Variants in PTPDC1 observed in about 807,000 individuals in gnomAD.
PTPDC1 encodes the protein protein tyrosine phosphatase domain-containing protein 1.
Under a neutral mutation model 75.3 loss-of-function variants are expected in PTPDC1, and 53 were observed. That is an observed-to-expected ratio of 0.70 (90% CI 0.56 to 0.88). PTPDC1 has a LOEUF of 0.88. Among genes scored for constraint, PTPDC1 ranks in the 40% least tolerant of loss-of-function variants. The pLI is 0.00. For missense variants in PTPDC1, 925 were observed against 998.6 expected (o/e 0.93, Z 0.99); for synonymous variants, 349 against 366.2 (o/e 0.95, Z 0.54).
chr9:94,098,409 G>C lies in PTPDC1; in HGVS notation c.1843G>C (p.Val615Leu). ...CGSSPKAQFL[V>L]EHETQDSKDL... ...CTCCAGTCCCAAAGCACAGTTCTTG[G>C]TTGAACATGAAACCCAGGACAGTAA... Residue 615 changes from valine to leucine, a missense_variant, in exon 6 of 9, where the codon GTT becomes CTT. Transcript: ENST00000620992. 6.2e-7 allele frequency: 1 copy of C among 1,614,166 alleles called. No individual in the cohort carries two copies.
In PTPDC1 at chr9:94,101,750, A is replaced by G. The variant is rs546449405; in HGVS notation, c.2198A>G (p.Lys733Arg). 3.0e-5 allele frequency: 48 copies of G among 1,604,984 alleles called. No homozygotes were observed. In the South Asian group the frequency reaches 4.8e-4, roughly 16 times the overall value. Residue 733 changes from lysine (K) to arginine (R), a missense_variant and splice_region_variant, in exon 7 of 9, where the codon AAG becomes AGG. By Grantham distance (26) the Lys-to-Arg change is conservative. Transcript: ENST00000620992. Reference sequence around the variant, plus strand: ...GCAGAAGCACTTTTTTTATTAGAGAAGGTAAAGTGGCTGTAGGACCAGTTA... The same window carrying G: ...GCAGAAGCACTTTTTTTATTAGAGAGGGTAAAGTGGCTGTAGGACCAGTTA... ...DAAEALFLLEKGQHQTILCVL... is the reference protein window; with the variant it reads ...DAAEALFLLERGQHQTILCVL...
chr9:94,092,790 T>G (rs1827377584), intron 4 of PTPDC1, among the ~76,000 whole-genome samples: 1 of 150,374 alleles, frequency 6.7e-6, no homozygotes, highest in Non-Finnish European at 1.5e-5. Context: ...CATATATATT[T>G]AGGATAGTTA....
intron 2 of PTPDC1, among the ~76,000 whole-genome samples, chr9:94,086,299 TAGTC>T (rs1178212204): frequency 1.3e-5 from 2 of 152,354 alleles, no homozygotes; most frequent in Non-Finnish European, 2.9e-5. Flanking sequence ...GAAACATTCA[TAGTC>T]AGACAAGAAA....
intron 1 of PTPDC1, among the ~76,000 whole-genome samples, chr9:94,040,755 A>C (rs1167426314): frequency 6.6e-6 from 1 of 152,142 alleles, no homozygotes; most frequent in Non-Finnish European, 1.5e-5. Context: ...TTACCATTAA[A>C]AAGTTGATTT....
chr9:94,100,597 G>C (rs1312755183), intron 6 of PTPDC1: 1 of 152,188 alleles, frequency 6.6e-6, no homozygotes, highest in African/African-American at 2.4e-5. Flanking sequence ...TCCTAGGTGA[G>C]TTATTTCATC....
At chr9:94,056,174 G>T (rs1233954674) in intron 1 of PTPDC1, among the ~76,000 whole-genome samples, 3 of 152,162 alleles carry the variant, frequency 2.0e-5, no homozygotes, top group Non-Finnish European at 2.9e-5. Context: ...AGGATTAGAT[G>T]AGCTAAGATT....
chr9:94,049,245 A>C (rs1035424650), intron 1 of PTPDC1, among the ~76,000 whole-genome samples: 5 of 151,530 alleles, frequency 3.3e-5, no homozygotes, highest in African/African-American at 1.2e-4. Context: ...GATCCTGTCA[A>C]ATTCACTAAC....
chr9:94,095,707 C>T (rs939602770), intron 5 of PTPDC1, among the ~76,000 whole-genome samples: 1 of 151,996 alleles, frequency 6.6e-6, no homozygotes, highest in East Asian at 1.9e-4. Flanking sequence ...GAAGATTATG[C>T]GTATACTAAA....
chr9:94,078,565 A>G (rs976238701), intron 2 of PTPDC1, among the ~76,000 whole-genome samples: 1 of 151,360 alleles, frequency 6.6e-6, no homozygotes, highest in South Asian at 2.1e-4. Flanking sequence ...AGTTTTTTCT[A>G]CTCCTCTCTC....
chr9:94,039,801 A>G (rs1825378040), intron 1 of PTPDC1, among the ~76,000 whole-genome samples: 1 of 152,136 alleles, frequency 6.6e-6, no homozygotes, highest in Non-Finnish European at 1.5e-5. Flanking sequence ...TTACAATCCC[A>G]CCACTGTGAA....
intron 8 of PTPDC1, among the ~76,000 whole-genome samples, chr9:94,107,013 G>A (rs1482806472): frequency 1.3e-5 from 2 of 152,172 alleles, no homozygotes; most frequent in African/African-American, 4.8e-5. Context: ...GAGTGCAGTG[G>A]CACAATCTCA....
chr9:94,055,119 T>C (rs1825894488), intron 1 of PTPDC1, among the ~76,000 whole-genome samples: 2 of 152,364 alleles, frequency 1.3e-5, no homozygotes, highest in South Asian at 4.1e-4. Flanking sequence ...TAAATTTTAT[T>C]ATTTAATAGG....
Position 94,095,474 on chromosome 9 carries a change from T to G in PTPDC1, c.754+20T>G. On this transcript the variant is annotated intron_variant, in intron 5 of 8. Coordinates refer to ENST00000620992, the MANE Select transcript of PTPDC1 (RefSeq NM_001253829.2). ...GAACAGGTAGGTCCTAAGAGGTGGT[T>G]TATTGCCTGTAGGCATATTTAAACA... 6.3e-7 allele frequency: 1 copy of G among 1,584,916 alleles called. No individual in the cohort carries two copies. Among genetic ancestry groups the G allele is most frequent in the South Asian group, 1.1e-5 (1 of 87,040 alleles).
chr9:94,036,399 A>AT (rs1426593281), intron 1 of PTPDC1, among the ~76,000 whole-genome samples: 2 of 150,676 alleles, frequency 1.3e-5, no homozygotes, highest in Non-Finnish European at 3.0e-5. Flanking sequence ...TGTTTCTTTT[A>AT]TTTTTTTTCA....
exon 1 of PTPDC1, chr9:94,030,955 C>G (rs938990585): frequency 6.6e-6 from 1 of 152,138 alleles, no homozygotes; most frequent in African/African-American, 2.4e-5. Context: ...GGTGCCGCGC[C>G]GTGAGGGTGC....
intron 6 of PTPDC1, chr9:94,101,338 A>G (rs960986391): frequency 2.0e-5 from 8 of 393,524 alleles, no homozygotes; most frequent in African/African-American, 4.1e-5. Flanking sequence ...CTTGTGAAGC[A>G]GGGGATGAGT....
At chr9:94,048,299 G>C (rs1305946732) in intron 1 of PTPDC1, among the ~76,000 whole-genome samples, 1 of 151,808 alleles carries the variant, frequency 6.6e-6, no homozygotes, top group East Asian at 1.9e-4. Context: ...GTGATGTTAG[G>C]GTGTCAATTT....
At chr9:94,068,023 G>A (rs1209589980) in intron 2 of PTPDC1, among the ~76,000 whole-genome samples, 4 of 151,932 alleles carry the variant, frequency 2.6e-5, no homozygotes, top group Non-Finnish European at 4.4e-5. Context: ...TGATAATATC[G>A]ACATGATATT....
intron 4 of PTPDC1, among the ~76,000 whole-genome samples, chr9:94,094,127 A>G (rs1827437043): frequency 6.6e-6 from 1 of 152,196 alleles, no homozygotes; most frequent in Admixed American, 6.5e-5. Context: ...CTGGTGAGGA[A>G]CTGCGTTCCT....
Sources: allele counts gnomAD v4.1 joint callset (sites outside exome capture counted in the v4.1 genomes callset), GRCh38; gene constraint gnomAD v4.1.1; transcripts MANE v1.5; gene names NCBI Gene and HGNC (gene_info 2026-07-23, HGNC 2026-07-21).